CACNA1E: variants seen among roughly 807,000 people sequenced by gnomAD.
CACNA1E encodes calcium voltage-gated channel subunit alpha1 E, also known as voltage-dependent R-type calcium channel subunit alpha-1E.
A neutral mutation model predicts 259.2 loss-of-function variants in CACNA1E; 40 were observed. The ratio of observed to expected loss-of-function variants is 0.15; its 90% CI spans 0.12 to 0.20. CACNA1E has a LOEUF of 0.20. Ranked by LOEUF, CACNA1E falls within the 10% of genes least tolerant of loss-of-function variation. CACNA1E has a pLI of 1.00. For missense variants in CACNA1E, 1,874 were observed against 3,040.1 expected, an observed-to-expected ratio of 0.62 and a Z score of 9.02; for synonymous variants, 1,104 against 1,138.5, an observed-to-expected ratio of 0.97 and a Z score of 0.61.
intron 3 of CACNA1E, among the ~76,000 whole-genome samples, chr1:181,530,952 A>T (rs1667738085): frequency 6.6e-6 from 1 of 152,208 alleles, no homozygotes; most frequent in African/African-American, 2.4e-5. Flanking sequence ...ATCTGCTTGT[A>T]TGCATGCCTG....
chr1:181,379,998 A>C (rs1005688936), intron 1 of CACNA1E, among the ~76,000 whole-genome samples: 1 of 147,832 alleles, frequency 6.8e-6, no homozygotes, highest in Non-Finnish European at 1.5e-5. Context: ...ATATATCATA[A>C]GGTAAATATA....
In CACNA1E at chr1:181,718,222, T is replaced by G. The variant is rs950721094; in HGVS notation, c.1638+55T>G. ...TGCTTCGTGTTGATATGCCCTGGTT[T>G]TAGATAAGCAGCTTGCTCCTTACTC... On this transcript the variant is annotated intron_variant, in intron 12 of 47. Transcript: ENST00000367573. 9.3e-6 allele frequency: 8 copies of G among 862,726 alleles called. No individual in the cohort carries two copies. In the African/African-American group the frequency reaches 1.3e-4, roughly 14 times the overall value. 53.4% of individuals were successfully genotyped at this position (862,726 alleles called of 1,614,324 possible). A position where few individuals can be genotyped will look rare whatever the true frequency, so the allele number is the denominator to read the frequency against.
rs1016623006 is a variant in CACNA1E, at chr1:181,798,451, G to C, written c.6559G>C (p.Asp2187His). 6 of 1,613,752 alleles carry C rather than the reference G, an allele frequency of 3.7e-6. No individual in the cohort carries two copies. Among genetic ancestry groups the C allele is most frequent in the African/African-American group, 1.3e-5 (1 of 74,910 alleles). ...CGCGGGCAGCATCTCTCCACCTGCT[G>C]ATGGAAGCGAGGAGGGCTCCCCGCT... The part of the protein sequence containing the change: ...RHAGSISPPA[D>H]GSEEGSPLTS... Residue 2187 changes from aspartate (D) to histidine (H), a missense_variant, in exon 48 of 48, where the codon GAT (aspartate) becomes CAT (histidine). Transcript: ENST00000367573. This position sits in a 1 kb window ranked among gnomAD's most constrained non-coding sequence, Gnocchi z 4.2.
chr1:181,767,178 C>T (rs968228932), intron 35 of CACNA1E, among the ~76,000 whole-genome samples: 1 of 152,156 alleles, frequency 6.6e-6, no homozygotes, highest in Admixed American at 6.5e-5. Context: ...TAGGGAGACT[C>T]AAGGGCCACA....
intron 26 of CACNA1E, chr1:181,751,918 G>T: frequency 1.5e-6 from 1 of 670,106 alleles, no homozygotes. Context: ...CGTGCATGTG[G>T]ATGTGTGTTC....
chr1:181,790,586 C>A (rs1661216294), intron 44 of CACNA1E, 30 bp downstream of exon 44: 1 of 1,302,876 alleles, frequency 7.7e-7, no homozygotes, highest in Non-Finnish European at 1.1e-6. Flanking sequence ...GACCTCAAAA[C>A]TACTTCCTTG....
intron 25 of CACNA1E, among the ~76,000 whole-genome samples, chr1:181,740,507 T>C (rs1033381074): frequency 2.1e-5 from 3 of 146,212 alleles, no homozygotes; most frequent in African/African-American, 7.6e-5. Context: ...GTTTCTCAAG[T>C]GGCCTGGTGG....
At chr1:181,401,243 C>T (rs1657080679) in intron 1 of CACNA1E, among the ~76,000 whole-genome samples, 1 of 151,884 alleles carries the variant, frequency 6.6e-6, no homozygotes, top group Non-Finnish European at 1.5e-5. Flanking sequence ...GTTTCAGTTG[C>T]AGTCCACCCT....
At chr1:181,707,171 A>C (rs1379933128) in intron 7 of CACNA1E, among the ~76,000 whole-genome samples, 1 of 152,236 alleles carries the variant, frequency 6.6e-6, no homozygotes, top group Non-Finnish European at 1.5e-5. Context: ...CAGGTTCCCA[A>C]TGAAAGAACA....
chr1:181,484,055 T>G (rs1411347449), intron 1 of CACNA1E, 45 bp downstream of exon 1: 19 of 1,580,166 alleles, frequency 1.2e-5, no homozygotes, highest in Non-Finnish European at 1.6e-5. Flanking sequence ...CCTTTGCATT[T>G]CTTCGGGTGA....
At chr1:181,786,341 A>G (rs1304943229) in intron 43 of CACNA1E, among the ~76,000 whole-genome samples, 1 of 151,964 alleles carries the variant, frequency 6.6e-6, no homozygotes, top group East Asian at 1.9e-4. Context: ...ATATATTAAT[A>G]TCACCACTTT....
At chr1:181,509,426 C>T (rs1463652413) in intron 1 of CACNA1E, among the ~76,000 whole-genome samples, 1 of 152,196 alleles carries the variant, frequency 6.6e-6, no homozygotes, top group African/African-American at 2.4e-5. Context: ...CTTTCCTTCC[C>T]TCCACTTTGC....
chr1:181,650,249 T>C (rs1488926852), intron 6 of CACNA1E, among the ~76,000 whole-genome samples: 1 of 152,248 alleles, frequency 6.6e-6, no homozygotes, highest in African/African-American at 2.4e-5. Context: ...AATACTTTGC[T>C]ATAGAAATTC....
chr1:181,659,296 G>A (rs1388353721), intron 7 of CACNA1E, among the ~76,000 whole-genome samples: 2 of 152,198 alleles, frequency 1.3e-5, no homozygotes, highest in Admixed American at 1.3e-4. Flanking sequence ...GGCATTGGTG[G>A]GAGGAAGGCT....
In CACNA1E at chr1:181,610,731, T is replaced by C. The variant is rs551606523; in HGVS notation, c.951+29955T>C. 2.2e-4 allele frequency among the ~76,000 whole-genome samples: 34 copies of C among 152,282 alleles called. 1 individual carries two copies. The South Asian group carries it at 5.6e-3, about 25-fold the overall frequency. Reference sequence around the variant, plus strand: ...CATTGTGGTGAGCTCCTCAGCCACATTGGAGCATCTTGGGTGGTTCCAATG... The same window carrying C: ...CATTGTGGTGAGCTCCTCAGCCACACTGGAGCATCTTGGGTGGTTCCAATG... On this transcript the variant is annotated intron_variant, in intron 6 of 47. Coordinates refer to ENST00000367573, the MANE Select transcript of CACNA1E (RefSeq NM_001205293.3).
At chr1:181,418,691 G>C (rs1163458355) in intron 2 of CACNA1E, among the ~76,000 whole-genome samples, 1 of 151,398 alleles carries the variant, frequency 6.6e-6, no homozygotes, top group Non-Finnish European at 1.5e-5. Flanking sequence ...TCTGTTGCTG[G>C]GGCCAGAAAT....
intron 2 of CACNA1E, among the ~76,000 whole-genome samples, chr1:181,419,192 A>G (rs1014990847): frequency 7.1e-6 from 1 of 141,206 alleles, no homozygotes; most frequent in South Asian, 2.2e-4. Flanking sequence ...AGCTCAGTGC[A>G]TGATTTCCAT....
chr1:181,599,872 G>A (rs1490026889), intron 6 of CACNA1E, among the ~76,000 whole-genome samples: 4 of 152,184 alleles, frequency 2.6e-5, no homozygotes, highest in South Asian at 2.1e-4. Flanking sequence ...GTTGAGCACC[G>A]ATTATAGCTA....
intron 7 of CACNA1E, among the ~76,000 whole-genome samples, chr1:181,710,123 A>G (rs1328906524): frequency 1.3e-5 from 2 of 151,936 alleles, no homozygotes; most frequent in African/African-American, 4.8e-5. Flanking sequence ...CCCTGAGCCC[A>G]TCTTGGGCTC....
Sources: gnomAD v4.1 joint callset for allele counts (sites outside exome capture counted in the v4.1 genomes callset) on GRCh38, gnomAD v4.1.1 for gene constraint, Gnocchi (gnomAD v3.1) non-coding constraint, MANE v1.5 for transcripts, NCBI Gene and HGNC (gene_info 2026-07-23, HGNC 2026-07-21) for gene names.